PACC1: variants seen among roughly 807,000 people sequenced by gnomAD.
PACC1 encodes the protein proton-activated chloride channel.
Under a neutral mutation model 39.7 loss-of-function variants are expected in PACC1, and 34 were observed. That is an observed-to-expected ratio of 0.86 (90% CI 0.65 to 1.14). PACC1 has a LOEUF of 1.14. PACC1 is among the 50% of genes most tolerant of loss of function. The pLI is 0.00. For missense variants in PACC1, 379 were observed against 436.4 expected (o/e 0.87, Z 1.17); for synonymous variants, 127 against 160.6 (o/e 0.79, Z 1.58).
chr1:212,404,043 C>T (rs1661814100), intron 2 of PACC1, among the ~76,000 whole-genome samples: 1 of 152,154 alleles, frequency 6.6e-6, no homozygotes, highest in Non-Finnish European at 1.5e-5. Context: ...TGCCTTAATC[C>T]AGCCACATTC....
At chr1:212,370,645 T>C (rs915851142) in intron 7 of PACC1, among the ~76,000 whole-genome samples, 2 of 152,196 alleles carry the variant, frequency 1.3e-5, no homozygotes, top group African/African-American at 4.8e-5. Flanking sequence ...ATGAGGAATT[T>C]TGGAAACTGT....
intron 7 of PACC1, among the ~76,000 whole-genome samples, chr1:212,367,855 G>A (rs933843541): frequency 3.3e-5 from 5 of 152,060 alleles, no homozygotes; most frequent in African/African-American, 9.7e-5. Flanking sequence ...AAAGGCAATC[G>A]GCCACCCTAG....
chr1:212,394,705 A>T (rs1661448835), intron 2 of PACC1, among the ~76,000 whole-genome samples: 2 of 152,184 alleles, frequency 1.3e-5, no homozygotes, highest in African/African-American at 4.8e-5. Flanking sequence ...TCAGCCCAAA[A>T]TCTCCTTAAG....
intron 2 of PACC1, among the ~76,000 whole-genome samples, chr1:212,394,619 T>G (rs1661445635): frequency 6.6e-6 from 1 of 152,164 alleles, no homozygotes; most frequent in South Asian, 2.1e-4. Flanking sequence ...TAAAGGGTAT[T>G]CAATGAGGAA....
intron 2 of PACC1, among the ~76,000 whole-genome samples, chr1:212,406,522 A>G (rs959141146): frequency 2.0e-5 from 3 of 152,182 alleles, no homozygotes; most frequent in South Asian, 2.1e-4. Context: ...TCAAAAAAAA[A>G]AGAAGAGTCA....
intron 5 of PACC1, among the ~76,000 whole-genome samples, chr1:212,378,864 C>T (rs1032902335): frequency 2.0e-5 from 3 of 152,092 alleles, no homozygotes; most frequent in African/African-American, 4.8e-5. Context: ...TCAGCCTACT[C>T]AACATGAAGG....
intron 2 of PACC1, among the ~76,000 whole-genome samples, chr1:212,407,240 C>T (rs566081249): frequency 2.2e-4 from 33 of 152,174 alleles, no homozygotes; most frequent in East Asian, 9.7e-4. Flanking sequence ...GAGAAAGACT[C>T]GACGAGCCAC....
intron 2 of PACC1, among the ~76,000 whole-genome samples, chr1:212,397,362 T>C (rs1158865109): frequency 1.3e-5 from 2 of 152,030 alleles, no homozygotes; most frequent in East Asian, 3.9e-4. Flanking sequence ...GACTAAACCG[T>C]CCAATTAAAA....
intron 7 of PACC1, among the ~76,000 whole-genome samples, chr1:212,368,108 A>C (rs1196202720): frequency 6.6e-6 from 1 of 152,162 alleles, no homozygotes; most frequent in East Asian, 1.9e-4. Context: ...ATCCTCCCCA[A>C]GTACATCAGG....
chr1:212,387,719 T>C (rs985596769), intron 2 of PACC1: 7 of 152,670 alleles, frequency 4.6e-5, no homozygotes, highest in African/African-American at 1.7e-4. Context: ...ACAGAGTAGC[T>C]TGGTCACGCC....
intron 5 of PACC1, among the ~76,000 whole-genome samples, 182 bp from the exon 6 acceptor site, chr1:212,377,888 C>T (rs985036137): frequency 2.0e-5 from 3 of 152,296 alleles, no homozygotes; most frequent in Middle Eastern, 3.4e-3. Flanking sequence ...CAAGGCCCAT[C>T]CCTCTTTTCT....
intron 6 of PACC1, 117 bp from the exon 7 acceptor site, chr1:212,375,417 A>AT (rs1660611083): frequency 1.5e-6 from 1 of 678,240 alleles, no homozygotes; most frequent in Non-Finnish European, 2.6e-6. Flanking sequence ...TCCTCACACT[A>AT]TTTTTTGGAG....
chr1:212,404,232 G>A lies in PACC1; in HGVS notation c.133+6193C>T, dbSNP rs189613614. Among the ~76,000 whole-genome samples the A allele has an allele frequency of 2.7e-3, 407 of 151,720 alleles. 2 individuals carry two copies. Among genetic ancestry groups the A allele is most frequent in the African/African-American group, 9.0e-3 (371 of 41,354 alleles). ...CGCCATTCTCCTGCCTCAGCCTCCCGAGTAGCTGGGACTACAGGTACCCAC... is the reference window on the plus strand; with the variant it reads ...CGCCATTCTCCTGCCTCAGCCTCCCAAGTAGCTGGGACTACAGGTACCCAC... On this transcript the variant is annotated intron_variant, in intron 2 of 7. Transcript: ENST00000261455.
At position 212,386,045 on chromosome 1, in the gene PACC1, G is replaced by A. The variant is rs1342899652; in HGVS notation, c.344-620C>T. Reference sequence around the variant, plus strand: ...AAGAAGACTCAAGCAGACACACAGAGAAGAGGGACAAACACAAGACAGGAA... The same window carrying A: ...AAGAAGACTCAAGCAGACACACAGAAAAGAGGGACAAACACAAGACAGGAA... On this transcript the variant is annotated intron_variant, in intron 3 of 7. Transcript: ENST00000261455. The surrounding 1 kb of genome is among the most constrained non-coding windows in gnomAD (Gnocchi z 5.0). 4.6e-5 allele frequency among the ~76,000 whole-genome samples: 7 copies of A among 152,160 alleles called. No homozygotes were observed. Among genetic ancestry groups the A allele is most frequent in the Non-Finnish European group, 5.9e-5 (4 of 68,030 alleles).
At chr1:212,384,189 C>G (rs1661011350) in intron 4 of PACC1, among the ~76,000 whole-genome samples, 1 of 152,138 alleles carries the variant, frequency 6.6e-6, no homozygotes, top group South Asian at 2.1e-4. Flanking sequence ...TGGTGATATC[C>G]TTTCTTCACG....
chr1:212,378,027 G>A lies in PACC1; in HGVS notation c.639-321C>T, dbSNP rs150903337. On this transcript the variant is annotated intron_variant, in intron 5 of 7. Transcript: ENST00000261455. The stretch of plus-strand genomic sequence containing the variant: ...CCTATCGATGGCTACCAAAGCTGTC[G>A]GCAATGAAGTTGGCAGAAGCTCCCC... 7.4e-3 allele frequency among the ~76,000 whole-genome samples: 1,126 copies of A among 152,186 alleles called. 12 individuals are homozygous for A. The highest frequency in any genetic ancestry group is 0.013 in the Non-Finnish European group (865 of 68,010).
chr1:212,369,037 AAAAG>A (rs1449154030), intron 7 of PACC1, among the ~76,000 whole-genome samples: 10 of 151,956 alleles, frequency 6.6e-5, no homozygotes, highest in African/African-American at 2.4e-4. Flanking sequence ...AAAAAAAAAA[AAAAG>A]AGGCAAAACA....
In PACC1 at chr1:212,385,369, CCT is replaced by C; in HGVS notation, c.398_399del (p.Glu133GlyfsTer13). 6.2e-7 allele frequency: 1 copy of C among 1,614,040 alleles called. No individual in the cohort carries two copies. The highest frequency in any genetic ancestry group is 1.1e-5 in the South Asian group (1 of 91,074). ...AQLLSCKHHYEVIPPLTSPGQ... is the reference protein window; with the variant it reads ...AQLLSCKHHYXVIPPLTSPGQ... ...CCAGGGCTTGTCAGAGGAGGAATGACCTCGTAATGGTGCTTACAGCTGAGCAA... is the reference window on the plus strand; with the variant it reads ...CCAGGGCTTGTCAGAGGAGGAATGACCGTAATGGTGCTTACAGCTGAGCAA... On this transcript the variant is annotated frameshift_variant, in exon 4 of 8. Transcript: ENST00000261455. LOFTEE classifies it high-confidence loss of function.
At position 212,403,446 on chromosome 1, in the gene PACC1, C is replaced by T. The variant is rs550956961; in HGVS notation, c.133+6979G>A. Among the ~76,000 whole-genome samples, 6 of 152,300 alleles carry T rather than the reference C, an allele frequency of 3.9e-5. No individual in the cohort carries two copies. The East Asian group carries it at 7.7e-4, about 20-fold the overall frequency. ...TTCCATCTGTCCCTGTGACCTTGCC[C>T]CCATGGGATTTCTCCAGGTTGCACA... On this transcript the variant is annotated intron_variant, in intron 2 of 7. Coordinates refer to ENST00000261455, the MANE Select transcript of PACC1 (RefSeq NM_018252.3).
Sources: gnomAD v4.1 joint callset for allele counts (sites outside exome capture counted in the v4.1 genomes callset) on GRCh38, gnomAD v4.1.1 for gene constraint, Gnocchi (gnomAD v3.1) non-coding constraint, MANE v1.5 for transcripts, NCBI Gene and HGNC (gene_info 2026-07-23, HGNC 2026-07-21) for gene names.